PLD1: variants seen among roughly 807,000 people sequenced by gnomAD.
The protein encoded by PLD1 is phospholipase D1.
In PLD1, 112 loss-of-function variants were observed where a neutral mutation model predicts 137.1. The observed-to-expected ratio is 0.82, with a 90% CI of 0.70 to 0.96. PLD1 has a LOEUF of 0.96. Among genes scored for constraint, PLD1 ranks in the 40% least tolerant of loss-of-function variants. The pLI is 0.00. For missense variants in PLD1, 1,321 were observed against 1,342.0 expected, an observed-to-expected ratio of 0.98 and a Z score of 0.24; for synonymous variants, 431 against 454.7, an observed-to-expected ratio of 0.95 and a Z score of 0.66.
intron 2 of PLD1, 43 bp downstream of exon 2, chr3:171,737,849 G>A (rs761684569): frequency 2.2e-5 from 35 of 1,578,146 alleles, no homozygotes; most frequent in Admixed American, 1.3e-4. Context: ...CCGACCAACC[G>A]AGATAAACTC....
intron 8 of PLD1, among the ~76,000 whole-genome samples, chr3:171,724,036 T>C (rs1473437739): frequency 2.0e-5 from 3 of 152,220 alleles, no homozygotes; most frequent in Non-Finnish European, 2.9e-5. Context: ...CATTCATCAA[T>C]TGATGAACAT....
At chr3:171,705,978 C>A (rs1415105456) in intron 11 of PLD1, among the ~76,000 whole-genome samples, 3 of 151,998 alleles carry the variant, frequency 2.0e-5, no homozygotes, top group African/African-American at 7.2e-5. Context: ...ATTTGAAAAG[C>A]CTAAAACAAA....
At chr3:171,716,241 T>C (rs1717675038) in intron 8 of PLD1, among the ~76,000 whole-genome samples, 1 of 152,202 alleles carries the variant, frequency 6.6e-6, no homozygotes. Context: ...TATAGTCCTC[T>C]GGGTATATAT....
At chr3:171,747,039 C>T (rs561831124) in intron 1 of PLD1, among the ~76,000 whole-genome samples, 5 of 152,320 alleles carry the variant, frequency 3.3e-5, no homozygotes, top group Admixed American at 6.5e-5. Flanking sequence ...GAGAAATGAA[C>T]AACTCCAGAC....
At chr3:171,657,158 C>T (rs1737283178) in intron 21 of PLD1, among the ~76,000 whole-genome samples, 2 of 152,118 alleles carry the variant, frequency 1.3e-5, no homozygotes, top group African/African-American at 4.8e-5. Context: ...AAAATGGGAA[C>T]AGCAACAACA....
At chr3:171,661,941 T>C in intron 20 of PLD1, 119 bp downstream of exon 20, 1 of 568,960 alleles carries the variant, frequency 1.8e-6, no homozygotes. Flanking sequence ...TCCAGCACTT[T>C]TCACGCCTCA....
At chr3:171,758,813 T>C (rs1721204760) in intron 1 of PLD1, among the ~76,000 whole-genome samples, 1 of 152,234 alleles carries the variant, frequency 6.6e-6, no homozygotes, top group African/African-American at 2.4e-5. Flanking sequence ...TCAGGACCTA[T>C]GAAGATCCCC....
intron 11 of PLD1, among the ~76,000 whole-genome samples, chr3:171,705,294 AT>A (rs1716593649): frequency 6.6e-6 from 1 of 152,228 alleles, no homozygotes; most frequent in African/African-American, 2.4e-5. Context: ...AAAACTACAG[AT>A]TCAGGAAGCT....
chr3:171,611,820 C>T (rs952277662), intron 25 of PLD1, among the ~76,000 whole-genome samples: 2 of 152,198 alleles, frequency 1.3e-5, no homozygotes, highest in Non-Finnish European at 2.9e-5. Context: ...TGGCTCACGT[C>T]TGTAATCCCA....
chr3:171,600,770 T>C lies in PLD1; in HGVS notation c.*2308A>G, dbSNP rs1357345026. ...GCATCTTGTCTTTGGGAAGATGCAATAGAAAAGGAACTTGCCATAGAAAGC... is the reference window on the plus strand; with the variant it reads ...GCATCTTGTCTTTGGGAAGATGCAACAGAAAAGGAACTTGCCATAGAAAGC... On this transcript the variant is annotated 3_prime_UTR_variant, in exon 27 of 27. Coordinates refer to ENST00000351298, the MANE Select transcript of PLD1 (RefSeq NM_002662.5). 1 of 151,722 alleles carries C rather than the reference T, an allele frequency of 6.6e-6. No individual in the cohort carries two copies. Among genetic ancestry groups the C allele is most frequent in the African/African-American group, 2.4e-5 (1 of 41,332 alleles). 9.4% of individuals were successfully genotyped at this position (151,722 alleles called of 1,614,324 possible).
chr3:171,746,924 G>A (rs748767145), intron 1 of PLD1, among the ~76,000 whole-genome samples: 13 of 152,214 alleles, frequency 8.5e-5, no homozygotes, highest in Non-Finnish European at 1.6e-4. Flanking sequence ...AAATCTTGCT[G>A]CTGCTGTTTA....
chr3:171,787,856 A>C (rs1263112716), intron 1 of PLD1, among the ~76,000 whole-genome samples: 1 of 152,052 alleles, frequency 6.6e-6, no homozygotes, highest in Non-Finnish European at 1.5e-5. Flanking sequence ...TAAGAAAAAA[A>C]AAACTAGAAA....
At chr3:171,683,321 G>T (rs930323738) in intron 16 of PLD1, among the ~76,000 whole-genome samples, 1 of 152,048 alleles carries the variant, frequency 6.6e-6, no homozygotes. Context: ...CCTACCCTTC[G>T]CTCAAGACCA....
chr3:171,753,614 T>C (rs1422084686), intron 1 of PLD1, among the ~76,000 whole-genome samples: 1 of 152,158 alleles, frequency 6.6e-6, no homozygotes, highest in Non-Finnish European at 1.5e-5. Flanking sequence ...TCAATGTCCC[T>C]CACCTTATTT....
intron 11 of PLD1, among the ~76,000 whole-genome samples, chr3:171,704,483 T>C (rs1011614458): frequency 7.1e-6 from 1 of 141,526 alleles, no homozygotes; most frequent in African/African-American, 2.8e-5. Context: ...AAAAACCTTA[T>C]CTTGTACAGA....
intron 19 of PLD1, among the ~76,000 whole-genome samples, chr3:171,664,947 A>C (rs1162050368): frequency 6.6e-6 from 1 of 152,200 alleles, no homozygotes; most frequent in African/African-American, 2.4e-5. Flanking sequence ...ACTTAGTACT[A>C]GATATTCTAT....
rs760712188 is a variant in PLD1, at chr3:171,688,676, T to C, written c.1539A>G (p.Pro513=). 6.2e-7 allele frequency: 1 copy of C among 1,609,538 alleles called. No individual in the cohort carries two copies. ...TTCCATAAAGGTTAAATATACTTAC[T>C]GGGAGGGAACCCAGAGACGGTCCTG... ...VTSGPSLGSL[P]PAAMESMESL... The change falls in exon 14 of 27, where the codon CCA becomes CCG. Residue 513 remains proline (P), a splice_region_variant and synonymous_variant. Coordinates refer to ENST00000351298, the MANE Select transcript of PLD1 (RefSeq NM_002662.5).
chr3:171,773,286 A>G (rs1484174759), intron 1 of PLD1, among the ~76,000 whole-genome samples: 1 of 152,194 alleles, frequency 6.6e-6, no homozygotes, highest in African/African-American at 2.4e-5. Flanking sequence ...AAATGAGCCC[A>G]AGCTGTACTA....
At chr3:171,744,693 C>T (rs983919163) in intron 1 of PLD1, among the ~76,000 whole-genome samples, 1 of 152,190 alleles carries the variant, frequency 6.6e-6, no homozygotes, top group Admixed American at 6.5e-5. Context: ...CAAACAAAAA[C>T]ACATCTATAA....
Sources: gnomAD v4.1 joint callset for allele counts (sites outside exome capture counted in the v4.1 genomes callset) on GRCh38, gnomAD v4.1.1 for gene constraint, MANE v1.5 for transcripts, NCBI Gene and HGNC (gene_info 2026-07-23, HGNC 2026-07-21) for gene names.